TTC23: variants seen among roughly 807,000 people sequenced by gnomAD.
TTC23 encodes tetratricopeptide repeat protein 23.
A neutral mutation model predicts 55.1 loss-of-function variants in TTC23; 58 were observed. The ratio of observed to expected loss-of-function variants is 1.05; its 90% confidence interval spans 0.85 to 1.31. TTC23 has a LOEUF of 1.31. Among genes scored for constraint, TTC23 ranks in the 50% most tolerant of loss-of-function variants. The pLI, the probability that TTC23 is intolerant of heterozygous loss-of-function variation, is 0.00. For missense variants in TTC23, 516 were observed against 534.4 expected (o/e 0.97, Z 0.34); for synonymous variants, 203 against 199.9 (o/e 1.02, Z -0.13).
At position 99,153,221 on chromosome 15, in the gene TTC23, T is replaced by C. The variant is rs1229148780; in HGVS notation, c.1143+2927A>G. ...TGGCATATGGGTAATGTTTAAATTA[T>C]TAAAAATGATTGATTTAATATATTT... On this transcript the variant is annotated intron_variant, in intron 12 of 13. Transcript: ENST00000394132. 2.0e-5 allele frequency among the ~76,000 whole-genome samples: 3 copies of C among 152,256 alleles called. No individual in the cohort carries two copies. The East Asian group carries it at 5.8e-4, about 29-fold the overall frequency.
At chr15:99,208,842 G>A (rs1393592363) in intron 8 of TTC23, among the ~76,000 whole-genome samples, 2 of 152,120 alleles carry the variant, frequency 1.3e-5, no homozygotes, top group Admixed American at 1.3e-4. Context: ...GTAATCTTGT[G>A]TGTTTCCATT....
rs113955818 is a variant in TTC23 at position 99,207,682 on chromosome 15, G to A, written c.582-7586C>T. Among the ~76,000 whole-genome samples the A allele has an allele frequency of 5.5e-3, 844 of 152,266 alleles. 8 individuals are homozygous for A. The highest frequency in any genetic ancestry group is 0.019 in the African/African-American group (793 of 41,556). On this transcript the variant is annotated intron_variant, in intron 8 of 13. Transcript: ENST00000394132. ...TGAAGCATGAGAATCGCTTGAACCC[G>A]GGAGATGGAGGATGCAGTGAGCTGA...
intron 10 of TTC23, among the ~76,000 whole-genome samples, chr15:99,166,760 A>T (rs1343370019): frequency 6.6e-6 from 1 of 152,062 alleles, no homozygotes; most frequent in African/African-American, 2.4e-5. Context: ...GTCTCTAGTC[A>T]CAGGGGGATA....
At chr15:99,184,490 G>C (rs2074475624) in intron 9 of TTC23, among the ~76,000 whole-genome samples, 1 of 152,204 alleles carries the variant, frequency 6.6e-6, no homozygotes, top group South Asian at 2.1e-4. Flanking sequence ...GATCATTTTA[G>C]AACTATAAGG....
chr15:99,164,794 T>G (rs2071831232), intron 10 of TTC23, among the ~76,000 whole-genome samples: 1 of 152,172 alleles, frequency 6.6e-6, no homozygotes, highest in South Asian at 2.1e-4. Flanking sequence ...GCCTCCATGA[T>G]CTTCAGGTAC....
In TTC23 at chr15:99,156,132, C is replaced by G; in HGVS notation, c.1143+16G>C. On this transcript the variant is annotated intron_variant, in intron 12 of 13. Coordinates refer to ENST00000394132, the MANE Select transcript of TTC23 (RefSeq NM_001288615.3). ...GGGAGAGCCTAGTCTCGTGTTAGTA[C>G]TGGTTCCAGCTTTACCTTCTTCAGT... 1.2e-6 allele frequency: 2 copies of G among 1,614,184 alleles called. No individual in the cohort carries two copies. Among genetic ancestry groups the G allele is most frequent in the Non-Finnish European group, 1.7e-6 (2 of 1,180,014 alleles).
chr15:99,230,000 C>T (rs955178646), intron 4 of TTC23, among the ~76,000 whole-genome samples: 10 of 152,146 alleles, frequency 6.6e-5, no homozygotes, highest in Non-Finnish European at 1.0e-4. Context: ...CAACACCTAA[C>T]GAGGTAAAAT....
intron 8 of TTC23, among the ~76,000 whole-genome samples, chr15:99,200,888 T>C (rs2076145631): frequency 6.6e-6 from 1 of 152,246 alleles, no homozygotes; most frequent in South Asian, 2.1e-4. Flanking sequence ...GAATGCCACG[T>C]AGCCATGAAA....
At chr15:99,187,761 G>A (rs919581468) in intron 9 of TTC23, among the ~76,000 whole-genome samples, 3 of 151,922 alleles carry the variant, frequency 2.0e-5, no homozygotes, top group Admixed American at 6.6e-5. Context: ...TTAGTCATTA[G>A]GGAAATTCAA....
chr15:99,223,696 T>C (rs2078140701), intron 5 of TTC23, among the ~76,000 whole-genome samples: 1 of 152,206 alleles, frequency 6.6e-6, no homozygotes. Flanking sequence ...AAAGGCCTGA[T>C]AGTTTGAGTG....
At chr15:99,199,279 T>C (rs901766977) in intron 9 of TTC23, among the ~76,000 whole-genome samples, 3 of 151,770 alleles carry the variant, frequency 2.0e-5, no homozygotes, top group Non-Finnish European at 2.9e-5. Flanking sequence ...GTCAGTTCCT[T>C]AAGAGAGGCC....
chr15:99,208,982 G>A (rs918147012), intron 8 of TTC23, among the ~76,000 whole-genome samples: 1 of 152,188 alleles, frequency 6.6e-6, no homozygotes, highest in Non-Finnish European at 1.5e-5. Context: ...ACACTAGACA[G>A]ATGAAAAGAC....
At chr15:99,205,847 T>G (rs947079661) in intron 8 of TTC23, among the ~76,000 whole-genome samples, 1 of 152,206 alleles carries the variant, frequency 6.6e-6, no homozygotes, top group African/African-American at 2.4e-5. Context: ...TGTACTATGT[T>G]GAATAAAAAT....
intron 9 of TTC23, among the ~76,000 whole-genome samples, chr15:99,194,568 A>AAC (rs1161154830): frequency 6.6e-6 from 1 of 151,838 alleles, no homozygotes; most frequent in Non-Finnish European, 1.5e-5. Context: ...AAAAAAAAAA[A>AAC]AAAAAAAGAT....
chr15:99,219,810 G>A (rs1041843919), intron 6 of TTC23, among the ~76,000 whole-genome samples: 3 of 152,042 alleles, frequency 2.0e-5, no homozygotes, highest in Admixed American at 2.0e-4. Context: ...CATACACACA[G>A]CCCCCATCTT....
rs2077098492 is a variant in TTC23 at position 99,212,279 on chromosome 15, TG to T, written c.581+6308del. The stretch of plus-strand genomic sequence containing the variant: ...AGAGGGATGTGTGTGTGTGTGTGTG[TG>T]TGTGTGTGTGTGCATGCATGTGCAA... On this transcript the variant is annotated intron_variant, in intron 8 of 13. Coordinates refer to ENST00000394132, the MANE Select transcript of TTC23 (RefSeq NM_001288615.3). Among the ~76,000 whole-genome samples the T allele has an allele frequency of 3.9e-5, 6 of 152,176 alleles. 1 individual carries two copies. In the South Asian group the frequency reaches 1.0e-3, roughly 26 times the overall value.
intron 9 of TTC23, among the ~76,000 whole-genome samples, chr15:99,189,952 G>A (rs1306602299): frequency 1.2e-4 from 19 of 152,202 alleles, no homozygotes; most frequent in Admixed American, 1.2e-3. Context: ...TGAAGTGGGT[G>A]GATTGCTTGA....
chr15:99,160,331 T>C (rs2071187286), intron 11 of TTC23: 1 of 151,494 alleles, frequency 6.6e-6, no homozygotes, highest in South Asian at 2.1e-4. Context: ...TAGGTTAGAG[T>C]TGAAAAAAAT....
chr15:99,200,240 C>T, intron 8 of TTC23, 144 bp from the exon 9 acceptor site: 2 of 722,364 alleles, frequency 2.8e-6, no homozygotes, highest in Non-Finnish European at 4.2e-6. Flanking sequence ...CCTCCAAGAG[C>T]CAGCAGGGCA....
Sources: allele counts gnomAD v4.1 joint callset (sites outside exome capture counted in the v4.1 genomes callset), GRCh38; gene constraint gnomAD v4.1.1; transcripts MANE v1.5; gene names NCBI Gene and HGNC (gene_info 2026-07-23, HGNC 2026-07-21).